Variants in CLASP2 observed in about 807,000 individuals in gnomAD.
CLASP2 encodes the protein CLIP-associating protein 2.
Under a neutral mutation model 194.4 loss-of-function variants are expected in CLASP2, and 47 were observed. The ratio of observed to expected loss-of-function variants is 0.24; its 90% CI spans 0.19 to 0.31. The LOEUF is 0.31. Ranked by LOEUF, CLASP2 falls within the 10% of genes least tolerant of loss-of-function variation. CLASP2 has a pLI of 1.00. For missense variants in CLASP2, 1,445 were observed against 1,823.6 expected (o/e 0.79, Z 3.78); for synonymous variants, 619 against 633.5 (o/e 0.98, Z 0.34).
At chr3:33,664,950 A>T (rs2085926062) in intron 6 of CLASP2, among the ~76,000 whole-genome samples, 1 of 152,072 alleles carries the variant, frequency 6.6e-6, no homozygotes, top group African/African-American at 2.4e-5. Flanking sequence ...AAAATACAAA[A>T]ATCAGCTGGG....
chr3:33,631,243 T>C (rs1348964871), intron 9 of CLASP2, among the ~76,000 whole-genome samples: 2 of 152,252 alleles, frequency 1.3e-5, no homozygotes, highest in Non-Finnish European at 2.9e-5. Context: ...ATGATGAAAT[T>C]AGAACTATCA....
At chr3:33,705,715 T>G (rs1249281500) in intron 1 of CLASP2, among the ~76,000 whole-genome samples, 1 of 152,054 alleles carries the variant, frequency 6.6e-6, no homozygotes, top group Non-Finnish European at 1.5e-5. Context: ...CATGCAAAAA[T>G]TATTCACTAC....
At chr3:33,617,953 T>TATA (rs1559402199) in intron 12 of CLASP2, among the ~76,000 whole-genome samples, 17 of 79,538 alleles carry the variant, frequency 2.1e-4, no homozygotes, top group African/African-American at 1.0e-3. Flanking sequence ...ATATATATAT[T>TATA]TTTTTTTTTT....
At chr3:33,665,052 G>C (rs1217419232) in intron 6 of CLASP2, among the ~76,000 whole-genome samples, 1 of 151,456 alleles carries the variant, frequency 6.6e-6, no homozygotes, top group Non-Finnish European at 1.5e-5. Flanking sequence ...AGTGAGCCGA[G>C]ATCCTGACAC....
chr3:33,640,402 T>C (rs1005713228), intron 8 of CLASP2, among the ~76,000 whole-genome samples: 5 of 152,154 alleles, frequency 3.3e-5, no homozygotes, highest in African/African-American at 1.2e-4. Context: ...ATCATAAAGA[T>C]TAGTAAGTAC....
At chr3:33,686,764 G>A (rs958898389) in intron 5 of CLASP2, among the ~76,000 whole-genome samples, 2 of 152,268 alleles carry the variant, frequency 1.3e-5, no homozygotes, top group African/African-American at 4.8e-5. Flanking sequence ...TTAACATACA[G>A]GTAGACTGTA....
chr3:33,701,821 A>T (rs2092395267), intron 1 of CLASP2, among the ~76,000 whole-genome samples: 1 of 152,238 alleles, frequency 6.6e-6, no homozygotes, highest in South Asian at 2.1e-4. Flanking sequence ...TCAACTCAAA[A>T]ATGTATGAGA....
chr3:33,504,702 G>A (rs940062044), intron 37 of CLASP2: 2 of 152,220 alleles, frequency 1.3e-5, no homozygotes, highest in Admixed American at 6.5e-5. Context: ...GTTTCAGGAT[G>A]AAACTGTTCC....
At chr3:33,568,467 T>G (rs1423133129) in intron 26 of CLASP2, among the ~76,000 whole-genome samples, 2 of 148,458 alleles carry the variant, frequency 1.3e-5, no homozygotes, top group Non-Finnish European at 3.0e-5. Flanking sequence ...GGCATGAGAA[T>G]CGCTTGAACC....
intron 34 of CLASP2, among the ~76,000 whole-genome samples, chr3:33,527,537 G>A (rs1056511507): frequency 6.6e-6 from 1 of 152,134 alleles, no homozygotes; most frequent in African/African-American, 2.4e-5. Context: ...TCTACCAGAT[G>A]TACAAATAAA....
chr3:33,560,576 G>C (rs1026690910), intron 28 of CLASP2, among the ~76,000 whole-genome samples: 1 of 151,788 alleles, frequency 6.6e-6, no homozygotes, highest in Non-Finnish European at 1.5e-5. Flanking sequence ...ATACCACCTT[G>C]AACTACTCAA....
intron 34 of CLASP2, among the ~76,000 whole-genome samples, chr3:33,532,564 A>G (rs1250558333): frequency 6.6e-6 from 1 of 152,242 alleles, no homozygotes; most frequent in Admixed American, 6.5e-5. Context: ...ATTGGAAAAA[A>G]GATATTATTG....
At position 33,602,960 on chromosome 3, in the gene CLASP2, G is replaced by A. The variant is rs778183956; in HGVS notation, c.1916C>T (p.Ala639Val). 32 of 1,609,450 alleles carry A rather than the reference G, an allele frequency of 2.0e-5. No individual in the cohort carries two copies. The highest frequency in any genetic ancestry group is 2.7e-5 in the African/African-American group (2 of 74,966). Reference protein sequence around the residue: ...GAGALNAGSYASLEDTSDKLD... With the variant: ...GAGALNAGSYVSLEDTSDKLD... ...ATAATCAGTTCTCTTACCTAGTGAC[G>A]CATAGGAACCTGCATTCAGGGCACC... The change falls in exon 18 of 39, where the codon GCG (alanine) becomes GTG (valine). Residue 639 changes from alanine to valine, a missense_variant. Transcript: ENST00000682230.
At chr3:33,566,277 G>T (rs972308257) in intron 27 of CLASP2, among the ~76,000 whole-genome samples, 2 of 152,116 alleles carry the variant, frequency 1.3e-5, no homozygotes, top group African/African-American at 2.4e-5. Flanking sequence ...TGCTTTTATG[G>T]AATGACATTA....
chr3:33,681,970 C>T (rs2089926992), intron 6 of CLASP2, among the ~76,000 whole-genome samples: 1 of 152,184 alleles, frequency 6.6e-6, no homozygotes. Context: ...CTCTAGCTTC[C>T]TCTCTGGCCA....
chr3:33,606,848 A>G, intron 15 of CLASP2, 90 bp from the exon 16 acceptor site: 1 of 920,764 alleles, frequency 1.1e-6, no homozygotes, highest in Non-Finnish European at 1.6e-6. Flanking sequence ...GATGAAGATA[A>G]GCCCACTGGT....
At chr3:33,667,565 G>A (rs1248309961) in intron 6 of CLASP2, among the ~76,000 whole-genome samples, 1 of 151,912 alleles carries the variant, frequency 6.6e-6, no homozygotes, top group Non-Finnish European at 1.5e-5. Context: ...CTTGTGTTTT[G>A]GTGTTGTATC....
chr3:33,569,363 A>G (rs1312136916), intron 26 of CLASP2, among the ~76,000 whole-genome samples: 1 of 152,238 alleles, frequency 6.6e-6, no homozygotes, highest in South Asian at 2.1e-4. Context: ...CTTTGGTCTT[A>G]TATCTTCCAG....
Position 33,510,675 on chromosome 3 carries a change from T to C in CLASP2, c.4200A>G (p.Gln1400=), listed in dbSNP as rs371815799. 1.4e-5 allele frequency: 22 copies of C among 1,613,696 alleles called. No individual in the cohort carries two copies. The African/African-American group carries it at 1.5e-4, about 11-fold the overall frequency. ...CCAGATTAATTGGGTAGTCTGCAGTTTGAATGATAGGACAAAGCACTTTGA... is the reference window on the plus strand; with the variant it reads ...CCAGATTAATTGGGTAGTCTGCAGTCTGAATGATAGGACAAAGCACTTTGA... The part of the protein sequence containing the change: ...QCIKVLCPII[Q]TADYPINLAA... Residue 1400 remains glutamine, a synonymous_variant, in exon 37 of 39, where the codon CAA becomes CAG. Coordinates refer to ENST00000682230, the MANE Select transcript of CLASP2 (RefSeq NM_001365631.1).
Sources: allele counts gnomAD v4.1 joint callset (sites outside exome capture counted in the v4.1 genomes callset), GRCh38; gene constraint gnomAD v4.1.1; transcripts MANE v1.5; gene names NCBI Gene and HGNC (gene_info 2026-07-23, HGNC 2026-07-21).